The following ZFAT variants were observed in gnomAD, a reference collection of about 807,000 sequenced individuals.
The protein encoded by ZFAT is zinc finger protein ZFAT.
ZFAT carries 64 observed loss-of-function variants against 117.7 expected under a neutral mutation model. The observed-to-expected ratio is 0.54, with a 90% CI of 0.44 to 0.67. The LOEUF (loss-of-function observed/expected upper bound fraction) is 0.67, where lower values mean the gene tolerates loss of function less well. Among genes scored for constraint, ZFAT ranks in the 30% least tolerant of loss-of-function variants. ZFAT has a pLI of 0.00. For missense variants in ZFAT, 1,433 were observed against 1,584.5 expected, an observed-to-expected ratio of 0.90 and a Z score of 1.62; for synonymous variants, 679 against 615.0, an observed-to-expected ratio of 1.10 and a Z score of -1.54.
intron 7 of ZFAT, chr8:134,594,684 G>A (rs747554526): frequency 6.6e-6 from 1 of 152,046 alleles, no homozygotes. Flanking sequence ...TGTCCCTTAC[G>A]AACATCATCT....
intron 11 of ZFAT, among the ~76,000 whole-genome samples, chr8:134,551,209 T>C (rs1258792172): frequency 6.6e-6 from 1 of 152,224 alleles, no homozygotes; most frequent in African/African-American, 2.4e-5. Context: ...TAGTTTTCAC[T>C]ACAGAGACAT....
intron 1 of ZFAT, among the ~76,000 whole-genome samples, chr8:134,673,882 G>A (rs1445935171): frequency 6.6e-6 from 1 of 152,202 alleles, no homozygotes; most frequent in Non-Finnish European, 1.5e-5. Flanking sequence ...AGAGGCCGAG[G>A]TGGGCAGATC....
At chr8:134,822,152 G>A in the ZFAT span, among the ~76,000 whole-genome samples, 3 of 151,968 alleles carry the variant, frequency 2.0e-5, no homozygotes, top group African/African-American at 7.3e-5. Context: ...TTCCTACGAT[G>A]GCTGTTGAGA....
the ZFAT span, among the ~76,000 whole-genome samples, chr8:134,732,633 T>C: frequency 1.3e-5 from 2 of 152,224 alleles, no homozygotes; most frequent in African/African-American, 2.4e-5. Context: ...CTTGTGACAA[T>C]TTCCATTAGT....
intron 10 of ZFAT, among the ~76,000 whole-genome samples, chr8:134,570,227 G>A (rs991946140): frequency 6.6e-6 from 1 of 152,130 alleles, no homozygotes; most frequent in Non-Finnish European, 1.5e-5. Context: ...TTCACACTGA[G>A]TCCTTTCAGA....
In ZFAT at chr8:134,606,576, C is replaced by T. The variant is rs552495968; in HGVS notation, c.785+2153G>A. 6.6e-5 allele frequency among the ~76,000 whole-genome samples: 10 copies of T among 151,846 alleles called. No individual in the cohort carries two copies. The South Asian group carries it at 1.3e-3, about 19-fold the overall frequency. ...CTGAAAATCCAAAAAAAAAGCTGGC[C>T]GTGGTGGTGCACACCTGTATTCCCA... On this transcript the variant is annotated intron_variant, in intron 5 of 15. Coordinates refer to ENST00000377838, the MANE Select transcript of ZFAT (RefSeq NM_020863.4).
chr8:134,642,100 C>T (rs1304377070), intron 2 of ZFAT, among the ~76,000 whole-genome samples: 1 of 152,242 alleles, frequency 6.6e-6, no homozygotes, highest in African/African-American at 2.4e-5. Context: ...AACACAACGT[C>T]CTCAATGGGA....
the ZFAT span, among the ~76,000 whole-genome samples, chr8:134,720,892 G>A: frequency 6.6e-6 from 1 of 152,172 alleles, no homozygotes. Flanking sequence ...AGTTTTCCAT[G>A]CCCTTCATTT....
At chr8:134,583,790 A>T (rs1322139892) in intron 10 of ZFAT, 42 bp downstream of exon 10, 2 of 1,601,794 alleles carry the variant, frequency 1.2e-6, no homozygotes, top group Non-Finnish European at 1.7e-6. Flanking sequence ...GCTTCAAACC[A>T]CACATTTAGA....
chr8:134,678,441 G>C (rs1048002886), intron 1 of ZFAT, among the ~76,000 whole-genome samples: 4 of 152,154 alleles, frequency 2.6e-5, no homozygotes, highest in Admixed American at 6.5e-5. Flanking sequence ...GGAAATAAGA[G>C]AGGACACAAA....
At chr8:134,589,305 G>C (rs973605487) in intron 8 of ZFAT, among the ~76,000 whole-genome samples, 1 of 152,222 alleles carries the variant, frequency 6.6e-6, no homozygotes, top group South Asian at 2.1e-4. Flanking sequence ...CCACACAGAC[G>C]AAGGCCTCAC....
chr8:134,580,523 A>G (rs1825643904), intron 10 of ZFAT, among the ~76,000 whole-genome samples: 1 of 152,226 alleles, frequency 6.6e-6, no homozygotes, highest in Non-Finnish European at 1.5e-5. Flanking sequence ...TTGATGAACA[A>G]TTCTGAAGTT....
intron 15 of ZFAT, among the ~76,000 whole-genome samples, chr8:134,490,278 G>A (rs1423312637): frequency 3.3e-5 from 5 of 152,142 alleles, no homozygotes; most frequent in Non-Finnish European, 7.4e-5. Context: ...TGGTGAGCGT[G>A]GTCACTGTAA....
At chr8:134,786,901 T>A in the ZFAT span, among the ~76,000 whole-genome samples, 1 of 150,760 alleles carries the variant, frequency 6.6e-6, no homozygotes, top group Non-Finnish European at 1.5e-5. Flanking sequence ...CAGGCTGGAG[T>A]GTAGTGACAC....
intron 1 of ZFAT, among the ~76,000 whole-genome samples, chr8:134,681,105 A>G (rs979465984): frequency 6.6e-6 from 1 of 152,230 alleles, no homozygotes; most frequent in African/African-American, 2.4e-5. Flanking sequence ...AGGCTCAGAA[A>G]GGTAGAAGGA....
intron 1 of ZFAT, among the ~76,000 whole-genome samples, chr8:134,685,513 G>GTAGTATAAATTACTACATTTACTA: frequency 6.6e-6 from 1 of 152,264 alleles, no homozygotes; most frequent in South Asian, 2.1e-4. Context: ...ATTTACTACA[G>GTAGTATAAATTACTACATTTACTA]CAATTCATTT....
chr8:134,498,137 T>C (rs1263563719), intron 15 of ZFAT, among the ~76,000 whole-genome samples: 1 of 48,212 alleles, frequency 2.1e-5, no homozygotes, highest in Non-Finnish European at 4.3e-5. Context: ...CCTGATTTGG[T>C]AGGGCTGGGG....
At chr8:134,756,009 C>A in the ZFAT span, among the ~76,000 whole-genome samples, 4 of 152,046 alleles carry the variant, frequency 2.6e-5, no homozygotes, top group African/African-American at 9.7e-5. Flanking sequence ...CTCTGTCTTC[C>A]TTACTGGGAT....
At chr8:134,804,598 A>G in the ZFAT span, among the ~76,000 whole-genome samples, 1 of 152,320 alleles carries the variant, frequency 6.6e-6, no homozygotes, top group East Asian at 1.9e-4. Context: ...TATAAAGACT[A>G]AAATTTCATT....
Sources: gnomAD v4.1 joint callset for allele counts (sites outside exome capture counted in the v4.1 genomes callset) on GRCh38, gnomAD v4.1.1 for gene constraint, MANE v1.5 for transcripts, NCBI Gene and HGNC (gene_info 2026-07-23, HGNC 2026-07-21) for gene names.